The following ENTPD5 variants were observed in gnomAD, a reference collection of about 807,000 sequenced individuals.
The protein encoded by ENTPD5 is nucleoside diphosphate phosphatase ENTPD5.
In ENTPD5, 49 loss-of-function variants were observed where a neutral mutation model predicts 60.2. The ratio of observed to expected loss-of-function variants is 0.81; its 90% CI spans 0.65 to 1.03. ENTPD5 has a LOEUF of 1.03. Among genes scored for constraint, ENTPD5 ranks in the 50% least tolerant of loss-of-function variants. The pLI is 0.00. For synonymous variants in ENTPD5, 187 were observed against 185.4 expected (o/e 1.01, Z -0.07); for missense variants, 480 against 507.6 (o/e 0.95, Z 0.52).
At chr14:73,982,600 C>CA (rs1301900436) in intron 6 of ENTPD5, among the ~76,000 whole-genome samples, 1 of 151,504 alleles carries the variant, frequency 6.6e-6, no homozygotes, top group East Asian at 2.0e-4. Context: ...ACTAAAAATA[C>CA]AAAAAATTAG....
In ENTPD5 at chr14:73,988,138, T is replaced by C. The variant is rs771750302; in HGVS notation, c.-36A>G. ...AGATGTGGCTGGGTGGAGGCTTTTG[T>C]TGCAGAAGCAATCCTGCTCGCACAC... is the stretch of plus-strand genomic sequence containing the variant. On this transcript the variant is annotated 5_prime_UTR_variant, in exon 4 of 16. Coordinates refer to ENST00000334696, the MANE Select transcript of ENTPD5 (RefSeq NM_001249.5). The C allele has an allele frequency of 7.6e-6, 12 of 1,581,404 alleles. No individual in the cohort carries two copies. Among genetic ancestry groups the C allele is most frequent in the African/African-American group, 1.3e-5 (1 of 74,304 alleles).
intron 2 of ENTPD5, among the ~76,000 whole-genome samples, chr14:74,015,276 G>A (rs56995298): frequency 0.14 from 20,705 of 151,464 alleles, 1,989 homozygotes; most frequent in East Asian, 0.57. Context: ...AGGTAAACCC[G>A]AATAAAGTTA....
chr14:74,003,189 T>C (rs1230367962), intron 3 of ENTPD5, among the ~76,000 whole-genome samples: 1 of 152,206 alleles, frequency 6.6e-6, no homozygotes, highest in East Asian at 1.9e-4. Flanking sequence ...CTTATCACAT[T>C]CTAACATACT....
Position 73,977,842 on chromosome 14 carries a change from G to A in ENTPD5, c.442-468C>T, listed in dbSNP as rs2057507935. On this transcript the variant is annotated intron_variant, in intron 6 of 15. Transcript: ENST00000334696. ...CTGCTACCAGCTCCTGTCAGATTCT[G>A]GCACATGGCTAGGGTCTCTAGAGCA... Among the ~76,000 whole-genome samples the A allele has an allele frequency of 2.6e-5, 4 of 152,162 alleles. 1 individual carries two copies. The South Asian group carries it at 6.2e-4, about 24-fold the overall frequency.
intron 3 of ENTPD5, among the ~76,000 whole-genome samples, chr14:74,006,291 T>C (rs2058676527): frequency 6.6e-6 from 1 of 151,012 alleles, no homozygotes; most frequent in Non-Finnish European, 1.5e-5. Flanking sequence ...AGCCTTTTTT[T>C]TTTTTTTTTT....
intron 6 of ENTPD5, among the ~76,000 whole-genome samples, chr14:73,980,416 A>G (rs2057635566): frequency 6.6e-6 from 1 of 150,534 alleles, no homozygotes; most frequent in South Asian, 2.1e-4. Flanking sequence ...GGCGTGAGCC[A>G]CCATGCCCAG....
chr14:73,988,827 T>A (rs1012802372), intron 3 of ENTPD5, among the ~76,000 whole-genome samples: 1 of 152,150 alleles, frequency 6.6e-6, no homozygotes, highest in African/African-American at 2.4e-5. Flanking sequence ...TGCTTTTTTT[T>A]ATTTTATTTT....
downstream of ENTPD5, among the ~76,000 whole-genome samples, chr14:73,957,747 T>G (rs972940734): frequency 3.3e-5 from 5 of 152,336 alleles, no homozygotes; most frequent in East Asian, 5.8e-4. Context: ...CGTATTGTTT[T>G]TATGACCAGA....
intron 3 of ENTPD5, among the ~76,000 whole-genome samples, chr14:74,007,284 G>A: frequency 6.6e-6 from 1 of 152,174 alleles, no homozygotes; most frequent in African/African-American, 2.4e-5. Flanking sequence ...CACTTTGGGA[G>A]GTCAAGGAGG....
At position 73,976,253 on chromosome 14, in the gene ENTPD5, GC is replaced by G. The variant is rs2057440050; in HGVS notation, c.642+70del. 4 of 1,336,966 alleles carry G rather than the reference GC, an allele frequency of 3.0e-6. No individual in the cohort carries two copies. The East Asian group carries it at 9.2e-5, about 31-fold the overall frequency. 82.8% of individuals were successfully genotyped at this position (1,336,966 alleles called of 1,614,324 possible). A position where few individuals can be genotyped will look rare whatever the true frequency, so the allele number is the denominator to read the frequency against. On this transcript the variant is annotated intron_variant, in intron 9 of 15. Transcript: ENST00000334696. ...GGTAGAGCTGCTGGCTGAAAATGGGGCGCCTCTTTCTTGGCACCATGATACG... is the reference window on the plus strand; with the variant it reads ...GGTAGAGCTGCTGGCTGAAAATGGGGGCCTCTTTCTTGGCACCATGATACG...
chr14:73,987,752 G>C (rs924116489), intron 4 of ENTPD5, 134 bp downstream of exon 4: 1 of 687,068 alleles, frequency 1.5e-6, no homozygotes, highest in Admixed American at 3.1e-5. Flanking sequence ...GTAGTCCAAA[G>C]TTCTCTGAAG....
At chr14:74,018,773 G>C (rs1217773151) in intron 1 of ENTPD5, 1 of 152,288 alleles carries the variant, frequency 6.6e-6, no homozygotes, top group Non-Finnish European at 1.5e-5. Context: ...GCTGCTCTTC[G>C]GAGGCTGGCA....
At chr14:73,958,447 A>T (rs550108600), downstream of ENTPD5, 1 of 1,482,544 alleles carries the variant, frequency 6.7e-7, no homozygotes, top group Non-Finnish European at 9.0e-7. Flanking sequence ...CTCATCGTAA[A>T]TCCTGTACAG....
At chr14:73,975,210 GAC>G (rs1299903557) in intron 10 of ENTPD5, among the ~76,000 whole-genome samples, 1 of 152,076 alleles carries the variant, frequency 6.6e-6, no homozygotes, top group Non-Finnish European at 1.5e-5. Context: ...AAAGGCCAGA[GAC>G]AGTGACAATT....
intron 3 of ENTPD5, among the ~76,000 whole-genome samples, chr14:73,994,805 G>A (rs868216480): frequency 4.6e-5 from 7 of 151,256 alleles, no homozygotes; most frequent in East Asian, 2.0e-4. Context: ...CAGCTTGCTC[G>A]TTCACTATGT....
intron 3 of ENTPD5, chr14:73,996,106 A>T (rs577590874): frequency 1.0e-4 from 99 of 983,606 alleles, no homozygotes; most frequent in Admixed American, 6.1e-4. Flanking sequence ...TCATGTGCTC[A>T]CCTGCTTGTG....
downstream of ENTPD5, chr14:73,960,428 G>T: frequency 1.0e-6 from 1 of 988,554 alleles, no homozygotes; most frequent in Non-Finnish European, 1.2e-6. Flanking sequence ...GACACTCAAA[G>T]CCTGCTACCT....
rs571022561 is a variant in ENTPD5, at chr14:73,974,480, C to T, written c.784+444G>A. 6.6e-5 allele frequency among the ~76,000 whole-genome samples: 10 copies of T among 152,314 alleles called. 1 individual carries two copies. In the Middle Eastern group the frequency reaches 0.017, roughly 259 times the overall value. On this transcript the variant is annotated intron_variant, in intron 11 of 15. Transcript: ENST00000334696. ...TGAGGAAAGGGGCACAGATAGGTTACTTGCCTCATATCACAACACTGGGAC... is the reference window on the plus strand; with the variant it reads ...TGAGGAAAGGGGCACAGATAGGTTATTTGCCTCATATCACAACACTGGGAC...
At position 73,971,773 on chromosome 14, in the gene ENTPD5, TGCTTTAGGTC is replaced by T; in HGVS notation, c.1084+69_1084+78del. On this transcript the variant is annotated intron_variant, in intron 14 of 15. Transcript: ENST00000334696. ...GATAGGCCTTCTGAGCTGACTGAGG[TGCTTTAGGTC>T]ACTTTAGGTCACTAGAGTAGGCAGG... The T allele has an allele frequency of 3.3e-6, 3 of 906,880 alleles. No individual in the cohort carries two copies. In the South Asian group the frequency reaches 4.1e-5, roughly 13 times the overall value. The allele number at this position is 906,880 out of a possible 1,614,324, so 56.2% of individuals were successfully genotyped here.
Sources: allele counts gnomAD v4.1 joint callset (sites outside exome capture counted in the v4.1 genomes callset), GRCh38; gene constraint gnomAD v4.1.1; transcripts MANE v1.5; gene names NCBI Gene and HGNC (gene_info 2026-07-23, HGNC 2026-07-21).